Variants in LCTL observed in about 807,000 individuals in gnomAD.
The protein encoded by LCTL is lactase like.
A neutral mutation model predicts 75.8 loss-of-function variants in LCTL; 76 were observed. The observed-to-expected ratio is 1.00, with a 90% CI of 0.83 to 1.21. The LOEUF (loss-of-function observed/expected upper bound fraction) is 1.21. Ranked by LOEUF, LCTL falls within the 50% of genes most tolerant of loss-of-function variation. LCTL has a pLI of 0.00. For synonymous variants in LCTL, 271 were observed against 268.8 expected (o/e 1.01, Z -0.08); for missense variants, 670 against 712.4 (o/e 0.94, Z 0.68).
chr15:66,551,706 A>T, exon 11 of LCTL: 1 of 1,614,100 alleles, frequency 6.2e-7, no homozygotes, highest in Non-Finnish European at 8.5e-7. Context: ...ATCTTCTTGT[A>T]ATATTGAACT....
At chr15:66,561,014 T>C (rs767847387) in exon 6 of LCTL, 3 of 1,613,864 alleles carry the variant, frequency 1.9e-6, no homozygotes, top group Admixed American at 1.7e-5. Context: ...ACCTTAATGA[T>C]GTGGTGTGCT....
intron 8 of LCTL, among the ~76,000 whole-genome samples, chr15:66,556,194 T>C (rs1231247427): frequency 1.3e-5 from 2 of 152,230 alleles, no homozygotes; most frequent in African/African-American, 2.4e-5. Context: ...TCTTGAGATA[T>C]TTGTACACCC....
intron 12 of LCTL, chr15:66,549,206 C>T (rs1304822668): frequency 6.6e-6 from 1 of 152,212 alleles, no homozygotes; most frequent in Admixed American, 6.5e-5. Flanking sequence ...TGGACATCCT[C>T]ACGTGGAGTT....
intron 3 of LCTL, 63 bp from the exon 5 acceptor site, chr15:66,563,688 G>T: frequency 1.6e-6 from 2 of 1,237,902 alleles, no homozygotes; most frequent in Admixed American, 1.9e-5. Context: ...TGGCCTTCTG[G>T]AGTGCAGCAT....
intron 2 of LCTL, 159 bp downstream of exon 3, chr15:66,564,517 C>T (rs564401069): frequency 6.2e-6 from 5 of 801,032 alleles, no homozygotes; most frequent in South Asian, 5.6e-5. Context: ...CTGGCCCTGC[C>T]CCCTCTGGCT....
In LCTL at chr15:66,564,347, C is replaced by G. The variant is rs371903161; in HGVS notation, c.282+329G>C. 8.1e-4 allele frequency: 381 copies of G among 470,844 alleles called. 6 individuals are homozygous for G. The South Asian group carries it at 9.9e-3, about 12-fold the overall frequency. The allele number at this position is 470,844 out of a possible 1,614,324, so 29.2% of individuals were successfully genotyped here. On this transcript the variant is annotated intron_variant, in intron 2 of 12. Coordinates refer to ENST00000341509, the Ensembl canonical transcript of LCTL. The stretch of plus-strand genomic sequence containing the variant: ...ACAGGGTGCAACTGACAAGCAGGGA[C>G]CAGGGGTTCAGGCCACTGTGGCTGT...
Position 66,550,204 on chromosome 15 carries a change from T to A in LCTL, c.1525-100A>T, listed in dbSNP as rs74473601. 4.9e-3 allele frequency: 3,369 copies of A among 690,414 alleles called. 83 individuals carry two copies. In the African/African-American group the frequency reaches 0.057, roughly 12 times the overall value. The allele number at this position is 690,414 out of a possible 1,614,324, so 42.8% of individuals were successfully genotyped here. A position where few individuals can be genotyped will look rare whatever the true frequency, so the allele number is the denominator to read the frequency against. On this transcript the variant is annotated intron_variant, in intron 11 of 12. Coordinates refer to ENST00000341509, the Ensembl canonical transcript of LCTL. ...ATGTGGGGTAAAAGTAAATATTTTT[T>A]AAAATCTATCTGTAGTTTATGTTTT...
intron 4 of LCTL, 52 bp downstream of exon 5, chr15:66,563,464 C>G: frequency 7.5e-7 from 1 of 1,333,158 alleles, no homozygotes; most frequent in Non-Finnish European, 1.1e-6. Flanking sequence ...ACTGGGCTCC[C>G]TCCTGCTTAG....
chr15:66,553,754 CAAAAAA>C (rs35718768), intron 8 of LCTL, among the ~76,000 whole-genome samples: 3 of 73,078 alleles, frequency 4.1e-5, no homozygotes, highest in Admixed American at 1.4e-4. Context: ...GACTCCATCT[CAAAAAA>C]AAAAAAAAAA....
chr15:66,560,833 C>T (rs530307337), intron 6 of LCTL, among the ~76,000 whole-genome samples, 173 bp downstream of exon 7: 2 of 152,282 alleles, frequency 1.3e-5, no homozygotes, highest in East Asian at 3.9e-4. Context: ...CATAGTGTCC[C>T]CCAGCGCCCT....
At chr15:66,564,805 C>A in exon 2 of LCTL, 1 of 1,613,276 alleles carries the variant, frequency 6.2e-7, no homozygotes, top group Non-Finnish European at 8.5e-7. Context: ...CGCCCTCCGT[C>A]TGGTAGGCAG....
At chr15:66,564,521 T>C in intron 2 of LCTL, 155 bp downstream of exon 3, 1 of 842,784 alleles carries the variant, frequency 1.2e-6, no homozygotes, top group Non-Finnish European at 1.8e-6. Context: ...CCCTGCCCCC[T>C]CTGGCTGCAC....
chr15:66,548,672 C>A (rs1044075509), intron 12 of LCTL, 67 bp from the exon 14 acceptor site: 1 of 805,924 alleles, frequency 1.2e-6, no homozygotes, highest in Non-Finnish European at 2.1e-6. Flanking sequence ...ACAGCTTTAT[C>A]CCAAAAGCTT....
At position 66,558,119 on chromosome 15, in the gene LCTL, C is replaced by T. The variant is rs977692973; in HGVS notation, c.706-83G>A. 7 of 1,220,016 alleles carry T rather than the reference C, an allele frequency of 5.7e-6. No homozygotes were observed. In the Admixed American group the frequency reaches 9.3e-5, roughly 16 times the overall value. 75.6% of individuals were successfully genotyped at this position (1,220,016 alleles called of 1,614,324 possible). On this transcript the variant is annotated intron_variant, in intron 6 of 12. Transcript: ENST00000341509. Reference sequence around the variant, plus strand: ...AATCTGAGTGGCCTTTCTTTGCTTCCTAACTTTAGAGCTATTATTTTCATC... The same window carrying T: ...AATCTGAGTGGCCTTTCTTTGCTTCTTAACTTTAGAGCTATTATTTTCATC...
rs537362560 is a variant in LCTL at position 66,553,328 on chromosome 15, C to G, written c.923-70G>C. 2.4e-6 allele frequency: 3 copies of G among 1,255,992 alleles called. No individual in the cohort carries two copies. The Admixed American group carries it at 8.3e-5, about 35-fold the overall frequency. The allele number at this position is 1,255,992 out of a possible 1,614,324, so 77.8% of individuals were successfully genotyped here. A position where few individuals can be genotyped will look rare whatever the true frequency, so the allele number is the denominator to read the frequency against. The stretch of plus-strand genomic sequence containing the variant: ...CCAATCACTGTGTTATGTATCATGA[C>G]GATAGTGACATCTTGACATAAACGG... On this transcript the variant is annotated intron_variant, in intron 8 of 12. Transcript: ENST00000341509.
intron 8 of LCTL, among the ~76,000 whole-genome samples, chr15:66,555,120 T>TA (rs1388429963): frequency 6.6e-6 from 1 of 152,164 alleles, no homozygotes; most frequent in Admixed American, 6.5e-5. Context: ...TGTTATTAAA[T>TA]ACCCTTAAGA....
At chr15:66,551,345 CAAAAAAAAAAAAA>C (rs67322943) in intron 11 of LCTL, among the ~76,000 whole-genome samples, 2 of 50,534 alleles carry the variant, frequency 4.0e-5, no homozygotes, top group African/African-American at 7.6e-5. Context: ...GATTCTGTCT[CAAAAAAAAAAAAA>C]AAAAAAAAAA....
At chr15:66,551,960 G>A (rs961269290) in intron 10 of LCTL, 83 bp downstream of exon 11, 32 of 1,543,824 alleles carry the variant, frequency 2.1e-5, no homozygotes, top group Non-Finnish European at 2.6e-5. Context: ...AGATTTAGAA[G>A]CAAGTTTCAG....
At chr15:66,564,096 G>C in intron 2 of LCTL, 98 bp from the exon 4 acceptor site, 1 of 786,330 alleles carries the variant, frequency 1.3e-6, no homozygotes. Flanking sequence ...CTTGTCTGTA[G>C]CTGTTAGTGG....
Sources: gnomAD v4.1 joint callset for allele counts (sites outside exome capture counted in the v4.1 genomes callset) on GRCh38, gnomAD v4.1.1 for gene constraint, MANE v1.5 for transcripts, NCBI Gene and HGNC (gene_info 2026-07-23, HGNC 2026-07-21) for gene names.